Variants in LINGO2 observed in about 807,000 individuals in gnomAD.
LINGO2 encodes leucine rich repeat and Ig domain containing 2, also known as leucine-rich repeat and immunoglobulin-like domain-containing nogo receptor-interacting protein 2.
Under a neutral mutation model 30.6 loss-of-function variants are expected in LINGO2, and 14 were observed. The ratio of observed to expected loss-of-function variants is 0.46; its 90% CI spans 0.30 to 0.72. The LOEUF (loss-of-function observed/expected upper bound fraction) is 0.72, where lower values mean the gene tolerates loss of function less well. Ranked by LOEUF, LINGO2 falls within the 30% of genes least tolerant of loss-of-function variation. The probability of loss-of-function intolerance (pLI) is 0.07; values close to 1 mark genes in which losing one functional copy is unlikely to be tolerated. For synonymous variants in LINGO2, 317 were observed against 288.5 expected (o/e 1.10, Z -1.00); for missense variants, 729 against 751.7 (o/e 0.97, Z 0.35).
chr9:28,022,250 C>T (rs903153680), intron 4 of LINGO2, among the ~76,000 whole-genome samples: 2 of 151,922 alleles, frequency 1.3e-5, no homozygotes, highest in Non-Finnish European at 2.9e-5. Context: ...GAAATTTCTC[C>T]CTCCTATTCT....
chr9:28,799,338 A>C, the LINGO2 span, among the ~76,000 whole-genome samples: 2 of 152,108 alleles, frequency 1.3e-5, no homozygotes, highest in African/African-American at 4.8e-5. Context: ...AGCAAGATAG[A>C]GAAGCAATGT....
intron 1 of LINGO2, among the ~76,000 whole-genome samples, chr9:28,630,009 G>A (rs1178831519): frequency 6.8e-6 from 1 of 147,890 alleles, no homozygotes; most frequent in Admixed American, 7.3e-5. Flanking sequence ...ACCTATGAGT[G>A]AGAATATGCG....
chr9:28,344,399 C>T (rs953491659), intron 3 of LINGO2, among the ~76,000 whole-genome samples: 3 of 151,966 alleles, frequency 2.0e-5, no homozygotes, highest in African/African-American at 7.2e-5. Flanking sequence ...ATAAAGTGGA[C>T]TGTAAACAGT....
rs114453540 is a variant in LINGO2 at position 28,365,320 on chromosome 9, T to A, written c.-246+7516A>T. The stretch of plus-strand genomic sequence containing the variant: ...GTTGAAAATGTCACCTGGGCCAGAT[T>A]GTGAAAAATGTATGTGTCATGCTAA... On this transcript the variant is annotated intron_variant, in intron 3 of 5. Transcript: ENST00000379992. Among the ~76,000 whole-genome samples the A allele has an allele frequency of 9.5e-3, 1,439 of 152,122 alleles. 27 individuals are homozygous for A. Among genetic ancestry groups the A allele is most frequent in the African/African-American group, 0.033 (1,374 of 41,490 alleles).
chr9:28,243,891 C>T (rs1262878451), intron 4 of LINGO2, among the ~76,000 whole-genome samples: 3 of 152,014 alleles, frequency 2.0e-5, no homozygotes, highest in Admixed American at 2.0e-4. Flanking sequence ...ACTATAACAC[C>T]CCACTGGCAA....
chr9:28,689,876 A>T, the LINGO2 span, among the ~76,000 whole-genome samples: 1 of 152,204 alleles, frequency 6.6e-6, no homozygotes, highest in Non-Finnish European at 1.5e-5. Context: ...ATACCATGAA[A>T]TACTATGCAG....
chr9:28,481,808 G>T (rs1825979640), intron 1 of LINGO2, among the ~76,000 whole-genome samples: 1 of 142,324 alleles, frequency 7.0e-6, no homozygotes, highest in African/African-American at 2.6e-5. Flanking sequence ...AGAGTGTGAT[G>T]TTCCCCTTCT....
At chr9:28,753,654 G>C in the LINGO2 span, among the ~76,000 whole-genome samples, 9 of 152,012 alleles carry the variant, frequency 5.9e-5, no homozygotes, top group African/African-American at 2.2e-4. Context: ...TCAAGAATGG[G>C]AAAGGAGAGA....
At chr9:27,971,589 A>T (rs1225094450) in intron 5 of LINGO2, among the ~76,000 whole-genome samples, 1 of 152,020 alleles carries the variant, frequency 6.6e-6, no homozygotes, top group East Asian at 1.9e-4. Context: ...GGGTTTCACC[A>T]TGTTGACCAG....
intron 4 of LINGO2, among the ~76,000 whole-genome samples, chr9:28,203,090 T>C (rs1463028726): frequency 6.6e-6 from 1 of 152,234 alleles, no homozygotes; most frequent in East Asian, 1.9e-4. Flanking sequence ...CAATGAAATG[T>C]ATAGCCTTCC....
At chr9:28,055,439 C>A in intron 4 of LINGO2, among the ~76,000 whole-genome samples, 1 of 152,238 alleles carries the variant, frequency 6.6e-6, no homozygotes, top group East Asian at 1.9e-4. Context: ...GGTATAAGGG[C>A]ATTTGCAGCA....
the LINGO2 span, among the ~76,000 whole-genome samples, chr9:29,092,321 C>T: frequency 1.3e-5 from 2 of 151,814 alleles, no homozygotes; most frequent in African/African-American, 4.8e-5. Flanking sequence ...ACAACACAAT[C>T]AATTAATAAG....
intron 4 of LINGO2, among the ~76,000 whole-genome samples, chr9:28,178,325 A>T (rs539431451): frequency 6.6e-6 from 1 of 152,296 alleles, no homozygotes; most frequent in East Asian, 1.9e-4. Context: ...GGAAGCTTGA[A>T]ACCGTAGTTT....
intron 4 of LINGO2, among the ~76,000 whole-genome samples, chr9:28,098,501 CAGATTATAT>C (rs1826315017): frequency 6.6e-6 from 1 of 152,156 alleles, no homozygotes; most frequent in African/African-American, 2.4e-5. Context: ...ACTTTCACAT[CAGATTATAT>C]ACTTCTTAGC....
intron 1 of LINGO2, among the ~76,000 whole-genome samples, chr9:28,580,595 A>T (rs908262299): frequency 2.0e-5 from 3 of 152,026 alleles, no homozygotes; most frequent in Non-Finnish European, 4.4e-5. Context: ...AAAGTGACAC[A>T]TTAACTGTAG....
chr9:28,814,102 T>C, the LINGO2 span, among the ~76,000 whole-genome samples: 4 of 152,152 alleles, frequency 2.6e-5, no homozygotes, highest in Admixed American at 2.0e-4. Flanking sequence ...CACATGAGCT[T>C]ATATATGACC....
At chr9:27,948,271 A>C (rs1332054408) in exon 6 of LINGO2, 3 of 152,296 alleles carry the variant, frequency 2.0e-5, no homozygotes, top group Non-Finnish European at 2.9e-5. Context: ...TCACACTTGG[A>C]TCTATAGTGG....
intron 4 of LINGO2, among the ~76,000 whole-genome samples, chr9:28,087,092 A>G (rs180908482): frequency 6.6e-6 from 1 of 152,194 alleles, no homozygotes; most frequent in East Asian, 1.9e-4. Flanking sequence ...AGCTTTTTGA[A>G]GAAAAGAAAG....
At chr9:28,922,011 C>T in the LINGO2 span, among the ~76,000 whole-genome samples, 1 of 152,116 alleles carries the variant, frequency 6.6e-6, no homozygotes, top group Admixed American at 6.5e-5. Context: ...CTGCCCCATG[C>T]CCTCCCCCAG....
Sources: allele counts gnomAD v4.1 joint callset (sites outside exome capture counted in the v4.1 genomes callset), GRCh38; gene constraint gnomAD v4.1.1; transcripts MANE v1.5; gene names NCBI Gene and HGNC (gene_info 2026-07-23, HGNC 2026-07-21).